ZC3H13: variants seen among roughly 807,000 people sequenced by gnomAD.
ZC3H13 encodes the protein zinc finger CCCH-type containing 13.
In ZC3H13, 64 loss-of-function variants were observed where a neutral mutation model predicts 204.1. The ratio of observed to expected loss-of-function variants is 0.31; its 90% confidence interval spans 0.26 to 0.39. ZC3H13 has a LOEUF of 0.39. Among genes scored for constraint, ZC3H13 ranks in the 10% least tolerant of loss-of-function variants. The pLI, the probability that ZC3H13 is intolerant of heterozygous loss-of-function variation, is 1.00. For missense variants in ZC3H13, 1,833 were observed against 2,082.7 expected, an observed-to-expected ratio of 0.88 and a Z score of 2.33; for synonymous variants, 667 against 693.7, an observed-to-expected ratio of 0.96 and a Z score of 0.60.
chr13:46,011,802 T>A (rs930653993), intron 5 of ZC3H13, among the ~76,000 whole-genome samples: 1 of 152,222 alleles, frequency 6.6e-6, no homozygotes, highest in East Asian at 1.9e-4. Context: ...CAATTTTGGG[T>A]TGTTTGGAAG....
chr13:46,034,861 C>A (rs919419431), intron 4 of ZC3H13, among the ~76,000 whole-genome samples: 1 of 152,066 alleles, frequency 6.6e-6, no homozygotes, highest in African/African-American at 2.4e-5. Context: ...TTAGAGAAAT[C>A]AGTAAAAACT....
At chr13:45,998,648 CAA>C (rs538785317) in intron 8 of ZC3H13, among the ~76,000 whole-genome samples, 2 of 140,684 alleles carry the variant, frequency 1.4e-5, no homozygotes, top group African/African-American at 5.2e-5. Context: ...AACTCCGTCT[CAA>C]AAAAAAAAAT....
chr13:46,026,789 T>G (rs984992428), intron 4 of ZC3H13, among the ~76,000 whole-genome samples: 3 of 152,098 alleles, frequency 2.0e-5, no homozygotes, highest in African/African-American at 7.2e-5. Flanking sequence ...TTCATGAGAT[T>G]CAGCTAAAGC....
chr13:45,995,853 A>G (rs1014707567), intron 8 of ZC3H13, among the ~76,000 whole-genome samples: 2 of 152,246 alleles, frequency 1.3e-5, no homozygotes, highest in African/African-American at 4.8e-5. Flanking sequence ...TAGCAATACA[A>G]GAACAACCTG....
At chr13:46,029,364 T>C (rs2042733836) in intron 4 of ZC3H13, among the ~76,000 whole-genome samples, 2 of 152,036 alleles carry the variant, frequency 1.3e-5, no homozygotes. Context: ...CTACCAAATA[T>C]TTCTGGAAGA....
chr13:45,966,530 A>T (rs1304978442), intron 15 of ZC3H13, among the ~76,000 whole-genome samples: 4 of 152,158 alleles, frequency 2.6e-5, no homozygotes, highest in African/African-American at 9.7e-5. Context: ...TCACCTATAC[A>T]TTTCTATTCT....
At chr13:45,962,711 T>A (rs1951779096) in intron 17 of ZC3H13, 2 of 981,792 alleles carry the variant, frequency 2.0e-6, no homozygotes, top group Non-Finnish European at 1.2e-6. Context: ...AAAACAATAT[T>A]TTTTTATTTT....
intron 8 of ZC3H13, among the ~76,000 whole-genome samples, chr13:45,997,173 T>C (rs1370535237): frequency 2.0e-5 from 3 of 152,236 alleles, no homozygotes; most frequent in Non-Finnish European, 4.4e-5. Context: ...TAAAGTTAAG[T>C]TGGAAGACAC....
chr13:46,001,950 G>GA lies in ZC3H13; in HGVS notation c.944+1188dup, dbSNP rs1362129152. Among the ~76,000 whole-genome samples the GA allele has an allele frequency of 2.5e-3, 329 of 130,302 alleles. 2 individuals are homozygous for GA. Among genetic ancestry groups the GA allele is most frequent in the Non-Finnish European group, 3.3e-3 (197 of 60,244 alleles). 85.5% of individuals were successfully genotyped at this position (130,302 alleles called of 152,430 possible). A position where few individuals can be genotyped will look rare whatever the true frequency, so the allele number is the denominator to read the frequency against. ...GTCAAGAAGACACAATTAACAGAGT[G>GA]AAAAAAAAAAAAGCAACATATGGAA... On this transcript the variant is annotated intron_variant, in intron 8 of 18. Coordinates refer to ENST00000679008, the MANE Select transcript of ZC3H13 (RefSeq NM_001330564.2).
chr13:46,008,814 T>G (rs2041342182), intron 7 of ZC3H13, among the ~76,000 whole-genome samples: 1 of 152,166 alleles, frequency 6.6e-6, no homozygotes, highest in African/African-American at 2.4e-5. Context: ...CTCAATTGCA[T>G]GAACAAAGGA....
At chr13:46,021,453 CACTT>C (rs1351648537) in intron 4 of ZC3H13, among the ~76,000 whole-genome samples, 8 of 151,904 alleles carry the variant, frequency 5.3e-5, no homozygotes, top group Non-Finnish European at 1.0e-4. Context: ...CTATGAAAGA[CACTT>C]ACACACAAGG....
chr13:45,981,184 T>A (rs1953561429), intron 10 of ZC3H13, among the ~76,000 whole-genome samples: 1 of 152,174 alleles, frequency 6.6e-6, no homozygotes, highest in African/African-American at 2.4e-5. Flanking sequence ...AGACAGAAAC[T>A]CTGAGGGCCC....
intron 8 of ZC3H13, among the ~76,000 whole-genome samples, chr13:45,992,196 T>C (rs1490817434): frequency 6.6e-6 from 1 of 152,136 alleles, no homozygotes; most frequent in Non-Finnish European, 1.5e-5. Context: ...CAAGTAGAAA[T>C]ATTTAGGTTC....
Position 45,975,641 on chromosome 13 carries a change from CT to C in ZC3H13, c.2109del (p.Glu704ArgfsTer4). On this transcript the variant is annotated frameshift_variant, in exon 12 of 19. Coordinates refer to ENST00000679008, the MANE Select transcript of ZC3H13 (RefSeq NM_001330564.2). LOFTEE classifies it high-confidence loss of function. ...GCACGCTCTCTTTCTAGTTCTCTCT[CT>C]TTTTCTCTTTCCCGATCCCGTTCAC... Reference protein sequence around the residue: ...RERERDREREKERELERERAR... With the variant: ...RERERDREREXERELERERAR... 1 of 1,590,618 alleles carries C rather than the reference CT, an allele frequency of 6.3e-7. No homozygotes were observed. Among genetic ancestry groups the C allele is most frequent in the Non-Finnish European group, 8.6e-7 (1 of 1,167,906 alleles).
chr13:45,976,405 A>G, intron 11 of ZC3H13: 1 of 255,170 alleles, frequency 3.9e-6, no homozygotes, highest in Non-Finnish European at 6.2e-6. Context: ...GCAATATAAC[A>G]TGAACTGTAA....
intron 3 of ZC3H13, 62 bp downstream of exon 3, chr13:46,044,893 C>A: frequency 8.3e-7 from 1 of 1,210,912 alleles, no homozygotes; most frequent in Non-Finnish European, 1.1e-6. Context: ...GATTTTTATA[C>A]TAGATAAATT....
At chr13:45,980,850 G>C (rs915559729) in intron 10 of ZC3H13, among the ~76,000 whole-genome samples, 7 of 152,128 alleles carry the variant, frequency 4.6e-5, no homozygotes, top group Non-Finnish European at 5.9e-5. Context: ...CTACACATAT[G>C]ATAAAACTAC....
intron 8 of ZC3H13, 70 bp downstream of exon 8, chr13:46,003,069 G>A (rs1036329446): frequency 2.6e-5 from 40 of 1,522,996 alleles, no homozygotes; most frequent in African/African-American, 8.4e-5. Flanking sequence ...AATGCCCAAC[G>A]GCTTCTGAAA....
chr13:46,016,675 C>G (rs2041925841), intron 5 of ZC3H13, among the ~76,000 whole-genome samples: 1 of 152,092 alleles, frequency 6.6e-6, no homozygotes, highest in Non-Finnish European at 1.5e-5. Flanking sequence ...TGTGTTCAGT[C>G]TGTGAACATC....
Sources: gnomAD v4.1 joint callset for allele counts (sites outside exome capture counted in the v4.1 genomes callset) on GRCh38, gnomAD v4.1.1 for gene constraint, MANE v1.5 for transcripts, NCBI Gene and HGNC (gene_info 2026-07-23, HGNC 2026-07-21) for gene names.